Variants in PPP2R3C observed in about 807,000 individuals in gnomAD.
PPP2R3C encodes serine/threonine-protein phosphatase 2A regulatory subunit B'' subunit gamma.
In PPP2R3C, 47 loss-of-function variants were observed where a neutral mutation model predicts 63.7. The observed-to-expected ratio is 0.74, with a 90% CI of 0.58 to 0.94. The LOEUF (loss-of-function observed/expected upper bound fraction) is 0.94, where lower values mean the gene tolerates loss of function less well. PPP2R3C is among the 40% of genes least tolerant of loss of function. The pLI is 0.00. For synonymous variants in PPP2R3C, 180 were observed against 177.4 expected, an observed-to-expected ratio of 1.01 and a Z score of -0.12; for missense variants, 421 against 518.4, an observed-to-expected ratio of 0.81 and a Z score of 1.82.
At chr14:35,099,883 G>T (rs1310743559) in intron 6 of PPP2R3C, 1 of 154,322 alleles carries the variant, frequency 6.5e-6, no homozygotes, top group African/African-American at 2.4e-5. Context: ...GGGACTACAG[G>T]CGCGCACCAC....
At chr14:35,099,440 A>G in intron 6 of PPP2R3C, 56 bp from the exon 7 acceptor site, 2 of 1,537,462 alleles carry the variant, frequency 1.3e-6, no homozygotes, top group South Asian at 2.6e-5. Context: ...ATTAGATATT[A>G]GAATTTCATT....
chr14:35,090,152 T>G (rs1219252242), intron 11 of PPP2R3C, among the ~76,000 whole-genome samples: 1 of 152,040 alleles, frequency 6.6e-6, no homozygotes, highest in African/African-American at 2.4e-5. Flanking sequence ...ATTCTATACT[T>G]GTGATGAAAA....
chr14:35,094,937 G>T, intron 10 of PPP2R3C, 111 bp downstream of exon 10: 1 of 1,213,590 alleles, frequency 8.2e-7, no homozygotes, highest in South Asian at 1.5e-5. Flanking sequence ...CTAGGCGACA[G>T]AGCAAGACTC....
intron 11 of PPP2R3C, among the ~76,000 whole-genome samples, chr14:35,090,829 C>T (rs1302647214): frequency 1.3e-5 from 2 of 151,326 alleles, no homozygotes; most frequent in Non-Finnish European, 2.9e-5. Flanking sequence ...CATTCTCCTG[C>T]CTCAGCCTCC....
At chr14:35,101,247 T>A (rs1566413377) in intron 6 of PPP2R3C, 1 of 152,372 alleles carries the variant, frequency 6.6e-6, no homozygotes, top group Non-Finnish European at 1.5e-5. Context: ...AGTGCTGGGA[T>A]TACAGGCGTG....
upstream of PPP2R3C, chr14:35,121,992 C>T (rs970047274): frequency 5.6e-5 from 90 of 1,613,338 alleles, no homozygotes; most frequent in Non-Finnish European, 7.2e-5. Context: ...TCTGCATTTG[C>T]TGTTTCCTAC....
chr14:35,094,960 A>C (rs1417188228), intron 10 of PPP2R3C, 88 bp downstream of exon 10: 1 of 1,405,966 alleles, frequency 7.1e-7, no homozygotes, highest in Non-Finnish European at 9.8e-7. Flanking sequence ...TCTCAAAAAA[A>C]AAAGGGCTGT....
At chr14:35,103,065 T>G (rs1231196207) in intron 6 of PPP2R3C, among the ~76,000 whole-genome samples, 1 of 152,190 alleles carries the variant, frequency 6.6e-6, no homozygotes, top group African/African-American at 2.4e-5. Context: ...CTGGCCGTAC[T>G]TTGAGTTCCT....
At position 35,091,178 on chromosome 14, in the gene PPP2R3C, A is replaced by G. The variant is rs2045803882; in HGVS notation, c.1005T>C (p.Leu335=). Residue 335 remains leucine (L), a synonymous_variant, in exon 11 of 13, where the codon CTT becomes CTC. Transcript: ENST00000261475. ...CAGGTTCCTTTCTGTTTTCTAATGC[A>G]AGGACAAAGTCCAAGTAGGTCTTAT... ...MDYKTYLDFV[L]ALENRKEPAA... The G allele has an allele frequency of 1.2e-6, 2 of 1,611,152 alleles. No individual in the cohort carries two copies. The highest frequency in any genetic ancestry group is 1.7e-5 in the Admixed American group (1 of 59,974).
At chr14:35,087,784 G>A (rs1355287230) in intron 12 of PPP2R3C, 167 bp downstream of exon 12, 1 of 607,758 alleles carries the variant, frequency 1.6e-6, no homozygotes, top group Non-Finnish European at 2.9e-6. Flanking sequence ...TACATAAATA[G>A]TCCAAATGTG....
intron 2 of PPP2R3C, among the ~76,000 whole-genome samples, chr14:35,111,972 C>A (rs569346858): frequency 6.6e-6 from 1 of 152,350 alleles, no homozygotes; most frequent in Admixed American, 6.5e-5. Context: ...TTATTTCTCT[C>A]TTGCAATTCC....
At chr14:35,090,487 C>CA (rs1165776519) in intron 11 of PPP2R3C, among the ~76,000 whole-genome samples, 1 of 151,642 alleles carries the variant, frequency 6.6e-6, no homozygotes, top group African/African-American at 2.4e-5. Flanking sequence ...GCCTGGGCGA[C>CA]AGAGCCAGAC....
chr14:35,114,918 T>C (rs1174982411), intron 2 of PPP2R3C, among the ~76,000 whole-genome samples: 2 of 151,766 alleles, frequency 1.3e-5, no homozygotes, highest in African/African-American at 4.8e-5. Context: ...CACTTGAACC[T>C]GGGAGGCAGA....
At chr14:35,099,625 CCT>C (rs1416821846) in intron 6 of PPP2R3C, 7 of 376,318 alleles carry the variant, frequency 1.9e-5, no homozygotes, top group Non-Finnish European at 3.1e-5. Flanking sequence ...GATTAAAAAG[CCT>C]CTCACCTATT....
intron 11 of PPP2R3C, among the ~76,000 whole-genome samples, chr14:35,089,611 C>T (rs1038556220): frequency 1.3e-5 from 2 of 152,072 alleles, no homozygotes; most frequent in African/African-American, 2.4e-5. Flanking sequence ...GCCTCAGCTT[C>T]CCTAAGTGCT....
intron 2 of PPP2R3C, 74 bp downstream of exon 2, chr14:35,116,536 T>G: frequency 4.8e-6 from 6 of 1,261,090 alleles, no homozygotes; most frequent in Non-Finnish European, 6.4e-6. Flanking sequence ...ATTACAGGTA[T>G]GAGCCACCCT....
rs187699145 is a variant in PPP2R3C, at chr14:35,109,514, T to G, written c.404+305A>C. 5.4e-3 allele frequency among the ~76,000 whole-genome samples: 820 copies of G among 151,906 alleles called. 6 individuals are homozygous for G. Among genetic ancestry groups the G allele is most frequent in the Non-Finnish European group, 9.3e-3 (630 of 67,940 alleles). On this transcript the variant is annotated intron_variant, in intron 4 of 12. Coordinates refer to ENST00000261475, the MANE Select transcript of PPP2R3C (RefSeq NM_017917.4). ...TTTTTTTAAAGGTAAGGTCTTGCTC[T>G]ATCGCCCAGGCTGGAGTGCAGTGGC...
intron 2 of PPP2R3C, among the ~76,000 whole-genome samples, chr14:35,116,409 G>A (rs530871522): frequency 2.0e-5 from 3 of 152,086 alleles, no homozygotes; most frequent in South Asian, 2.1e-4. Flanking sequence ...GCATCACCAT[G>A]TCCAGCTATT....
chr14:35,112,842 A>G (rs1034073367), intron 2 of PPP2R3C: 1 of 152,334 alleles, frequency 6.6e-6, no homozygotes, highest in East Asian at 1.9e-4. Flanking sequence ...TAACCCAGAC[A>G]TTCCTTTCTG....
Sources: gnomAD v4.1 joint callset for allele counts (sites outside exome capture counted in the v4.1 genomes callset) on GRCh38, gnomAD v4.1.1 for gene constraint, MANE v1.5 for transcripts, NCBI Gene and HGNC (gene_info 2026-07-23, HGNC 2026-07-21) for gene names.